Variants in ZNF653 observed in about 807,000 individuals in gnomAD.
The protein encoded by ZNF653 is zinc finger protein 653.
In ZNF653, 37 loss-of-function variants were observed where a neutral mutation model predicts 59.9. That is an observed-to-expected ratio of 0.62 (90% CI 0.48 to 0.81). The LOEUF is 0.81. Among genes scored for constraint, ZNF653 ranks in the 40% least tolerant of loss-of-function variants. The probability of loss-of-function intolerance (pLI) is 0.00; values close to 1 mark genes in which losing one functional copy is unlikely to be tolerated. For missense variants in ZNF653, 808 were observed against 881.1 expected (o/e 0.92, Z 1.05); for synonymous variants, 435 against 371.8 (o/e 1.17, Z -1.96).
chr19:11,493,191 A>G (rs1339461711), intron 3 of ZNF653, among the ~76,000 whole-genome samples: 2 of 151,204 alleles, frequency 1.3e-5, no homozygotes, highest in African/African-American at 2.4e-5. Context: ...CCAAGTAGCT[A>G]GGATTACAGG....
intron 7 of ZNF653, 55 bp downstream of exon 7, chr19:11,485,601 C>T (rs1971457203): frequency 1.4e-6 from 2 of 1,471,136 alleles, no homozygotes; most frequent in Non-Finnish European, 1.9e-6. Flanking sequence ...CCCAGGCTCC[C>T]AGGCCCATGT....
At chr19:11,489,300 A>G (rs1971506269) in intron 3 of ZNF653, among the ~76,000 whole-genome samples, 1 of 152,042 alleles carries the variant, frequency 6.6e-6, no homozygotes, top group Non-Finnish European at 1.5e-5. Context: ...CCCAGGTTCA[A>G]GCAACTCTTG....
chr19:11,487,273 C>T lies in ZNF653; in HGVS notation c.1171+19G>A, dbSNP rs1291448799. 1.9e-6 allele frequency: 3 copies of T among 1,606,032 alleles called. No individual in the cohort carries two copies. The highest frequency in any genetic ancestry group is 2.6e-6 in the Non-Finnish European group (3 of 1,175,290). ...GGCCCAACCACCCCTGGCCAGAGGC[C>T]ACGACAGGTCCCCCAGACCTTTCTT... On this transcript the variant is annotated intron_variant, in intron 4 of 8. Coordinates refer to ENST00000293771, the MANE Select transcript of ZNF653 (RefSeq NM_138783.4). The surrounding 1 kb of genome is among the most constrained non-coding windows in gnomAD (Gnocchi z 5.1).
intron 1 of ZNF653, among the ~76,000 whole-genome samples, chr19:11,502,752 C>T (rs987327277): frequency 2.6e-5 from 4 of 152,078 alleles, no homozygotes; most frequent in East Asian, 1.9e-4. Context: ...TCTGCAACCC[C>T]GCCGGGCGCA....
At chr19:11,497,691 G>A (rs1971602938) in intron 2 of ZNF653, among the ~76,000 whole-genome samples, 2 of 152,186 alleles carry the variant, frequency 1.3e-5, no homozygotes, top group South Asian at 4.1e-4. Flanking sequence ...CCCAGAAGAG[G>A]TGTTTGGGTC....
chr19:11,484,075 T>G lies in ZNF653; in HGVS notation c.1637A>C (p.His546Pro). The G allele has an allele frequency of 1.9e-6, 3 of 1,560,158 alleles. No homozygotes were observed. Among genetic ancestry groups the G allele is most frequent in the Non-Finnish European group, 2.6e-6 (3 of 1,151,904 alleles). ...GGTCTCGCCGGTGTGGGTGCGCCGA[T>G]GTACCTCCAGGTGGTTCTTCCTCTT... ...SFKRKNHLEV[H>P]RRTHTGETPL... is the part of the protein sequence containing the mutation. Residue 546 changes from histidine (H) to proline (P), a missense_variant, in exon 8 of 9, where the codon CAT (histidine) becomes CCT (proline). By Grantham distance (77) the His-to-Pro change is moderately conservative. Coordinates refer to ENST00000293771, the MANE Select transcript of ZNF653 (RefSeq NM_138783.4).
At chr19:11,494,405 A>T (rs1353109560) in intron 3 of ZNF653, among the ~76,000 whole-genome samples, 2 of 150,944 alleles carry the variant, frequency 1.3e-5, no homozygotes, top group East Asian at 3.9e-4. Context: ...ATAACATAAC[A>T]TAAGGCCGGG....
At chr19:11,502,503 T>C (rs933232252) in intron 1 of ZNF653, among the ~76,000 whole-genome samples, 8 of 152,178 alleles carry the variant, frequency 5.3e-5, no homozygotes, top group Non-Finnish European at 1.2e-4. Flanking sequence ...GTGTACCCCA[T>C]CCATTCTTCA....
chr19:11,499,441 TGA>T (rs1971621556), intron 1 of ZNF653, among the ~76,000 whole-genome samples: 1 of 152,164 alleles, frequency 6.6e-6, no homozygotes, highest in East Asian at 1.9e-4. Context: ...CTTGAGAGGC[TGA>T]GAGTGGTCTT....
At chr19:11,488,903 T>C (rs1456889984) in intron 3 of ZNF653, among the ~76,000 whole-genome samples, 1 of 151,274 alleles carries the variant, frequency 6.6e-6, no homozygotes, top group African/African-American at 2.4e-5. Context: ...GCCTGAGTTT[T>C]TCTTTTTTTT....
At chr19:11,498,691 A>G (rs938905128) in intron 1 of ZNF653, among the ~76,000 whole-genome samples, 2 of 151,762 alleles carry the variant, frequency 1.3e-5, no homozygotes, top group African/African-American at 4.8e-5. Context: ...TGATCCGCCC[A>G]CCTCAGCCTC....
intron 6 of ZNF653, among the ~76,000 whole-genome samples, chr19:11,486,357 G>A (rs1461124398): frequency 6.6e-6 from 1 of 152,190 alleles, no homozygotes; most frequent in African/African-American, 2.4e-5. Flanking sequence ...TTAATCGATG[G>A]GGAAACTGAG....
At position 11,487,544 on chromosome 19, in the gene ZNF653, T is replaced by C; in HGVS notation, c.919A>G (p.Ser307Gly). Residue 307 changes from serine to glycine, a missense_variant, in exon 4 of 9, where the codon AGC becomes GGC. By Grantham distance (56) the Ser-to-Gly change is moderately conservative. Coordinates refer to ENST00000293771, the MANE Select transcript of ZNF653 (RefSeq NM_138783.4). The surrounding 1 kb of genome is among the most constrained non-coding windows in gnomAD (Gnocchi z 5.1). Reference protein sequence around the residue: ...PQEALGEVVASCPMPGMVPGS... With the variant: ...PQEALGEVVAGCPMPGMVPGS... Reference sequence around the variant, plus strand: ...GGCACCATGCCTGGCATGGGGCAGCTGGCCACCACCTCACCCAGGGCCTCC... The same window carrying C: ...GGCACCATGCCTGGCATGGGGCAGCCGGCCACCACCTCACCCAGGGCCTCC... 1.2e-6 allele frequency: 2 copies of C among 1,613,932 alleles called. No individual in the cohort carries two copies. Among genetic ancestry groups the C allele is most frequent in the Non-Finnish European group, 1.7e-6 (2 of 1,179,964 alleles).
At chr19:11,490,903 G>A (rs143175879) in intron 3 of ZNF653, among the ~76,000 whole-genome samples, 294 of 152,292 alleles carry the variant, frequency 1.9e-3, no homozygotes, top group Non-Finnish European at 3.3e-3. Flanking sequence ...CTGACTCAGC[G>A]GAAGGCAGCT....
intron 1 of ZNF653, among the ~76,000 whole-genome samples, chr19:11,502,133 C>CCAGG (rs894049232): frequency 6.6e-6 from 1 of 151,472 alleles, no homozygotes; most frequent in African/African-American, 2.4e-5. Flanking sequence ...GCTCTATTGC[C>CCAGG]CAGGCTGGAG....
intron 2 of ZNF653, among the ~76,000 whole-genome samples, chr19:11,496,492 C>T (rs1053878430): frequency 1.3e-5 from 2 of 152,130 alleles, no homozygotes; most frequent in Admixed American, 6.6e-5. Context: ...CCCAGGACTC[C>T]CAGGCTCCCG....
Position 11,487,990 on chromosome 19 carries a change from ATTTAT to A in ZNF653, c.560-92_560-88del, listed in dbSNP as rs1310317641. 1.7e-6 allele frequency: 2 copies of A among 1,156,496 alleles called. No individual in the cohort carries two copies. Among genetic ancestry groups the A allele is most frequent in the Non-Finnish European group, 2.2e-6 (2 of 919,494 alleles). The allele number at this position is 1,156,496 out of a possible 1,614,324, so 71.6% of individuals were successfully genotyped here. A position where few individuals can be genotyped will look rare whatever the true frequency, so the allele number is the denominator to read the frequency against. Reference sequence around the variant, plus strand: ...AGTTTTTATTTTATTTTATTTATTTATTTATTTATTTTTTTGAGACAGAGTCTCAC... The same window carrying A: ...AGTTTTTATTTTATTTTATTTATTTATTATTTTTTTGAGACAGAGTCTCAC... On this transcript the variant is annotated intron_variant, in intron 3 of 8. Coordinates refer to ENST00000293771, the MANE Select transcript of ZNF653 (RefSeq NM_138783.4). The surrounding 1 kb of genome is among the most constrained non-coding windows in gnomAD (Gnocchi z 5.1).
Position 11,487,104 on chromosome 19 carries a change from G to C in ZNF653, c.1226C>G (p.Pro409Arg), listed in dbSNP as rs1347192237. 1 of 1,613,612 alleles carries C rather than the reference G, an allele frequency of 6.2e-7. No homozygotes were observed. Among genetic ancestry groups the C allele is most frequent in the South Asian group, 1.1e-5 (1 of 91,080 alleles). Residue 409 changes from proline (P) to arginine (R), a missense_variant, in exon 5 of 9, where the codon CCG becomes CGG. Physicochemically the swap from Pro to Arg is moderately radical, Grantham distance 103. Coordinates refer to ENST00000293771, the MANE Select transcript of ZNF653 (RefSeq NM_138783.4). The surrounding 1 kb of genome is among the most constrained non-coding windows in gnomAD (Gnocchi z 5.1). ...CTCAGGCACCGTTGTTGCCAGCTCC[G>C]GGGCTACTGGCTCCTCCTTCTCCTC... Reference protein sequence around the residue: ...KKEEKEEPVAPELATTVPESA... With the variant: ...KKEEKEEPVARELATTVPESA...
intron 3 of ZNF653, among the ~76,000 whole-genome samples, chr19:11,488,561 C>G (rs1170389003): frequency 6.6e-6 from 1 of 151,750 alleles, no homozygotes; most frequent in African/African-American, 2.4e-5. Flanking sequence ...GTTAGAATGA[C>G]AGTCATGAGC....
Sources: gnomAD v4.1 joint callset for allele counts (sites outside exome capture counted in the v4.1 genomes callset) on GRCh38, gnomAD v4.1.1 for gene constraint, Gnocchi (gnomAD v3.1) non-coding constraint, MANE v1.5 for transcripts, NCBI Gene and HGNC (gene_info 2026-07-23, HGNC 2026-07-21) for gene names.